Variants in CACNA1S observed in about 807,000 individuals in gnomAD.
CACNA1S encodes the protein calcium voltage-gated channel subunit alpha1 S.
A neutral mutation model predicts 207.4 loss-of-function variants in CACNA1S; 126 were observed. That is an observed-to-expected ratio of 0.61 (90% confidence interval 0.53 to 0.70). CACNA1S has a LOEUF of 0.70. Among genes scored for constraint, CACNA1S ranks in the 30% least tolerant of loss-of-function variants. The pLI is 0.00. For missense variants in CACNA1S, 2,349 were observed against 2,422.8 expected (o/e 0.97, Z 0.64); for synonymous variants, 960 against 932.7 (o/e 1.03, Z -0.53).
At chr1:201,110,109 C>T in intron 2 of CACNA1S, 55 bp downstream of exon 2, 1 of 1,532,830 alleles carries the variant, frequency 6.5e-7, no homozygotes, top group Non-Finnish European at 9.0e-7. Flanking sequence ...AAGGGGGCCT[C>T]CCCAAGCCTG....
intron 2 of CACNA1S, among the ~76,000 whole-genome samples, chr1:201,103,187 A>AT (rs1662741912): frequency 6.7e-6 from 1 of 149,688 alleles, no homozygotes; most frequent in African/African-American, 2.5e-5. Flanking sequence ...TGGAGGTTGT[A>AT]GTGAGGTGAA....
intron 38 of CACNA1S, among the ~76,000 whole-genome samples, chr1:201,046,337 A>T (rs940311574): frequency 7.9e-5 from 12 of 152,026 alleles, no homozygotes; most frequent in Non-Finnish European, 1.8e-4. Flanking sequence ...GTATGCCACC[A>T]TGCCCAGCTA....
At chr1:201,047,001 C>G in intron 38 of CACNA1S, 114 bp downstream of exon 38, 1 of 1,420,742 alleles carries the variant, frequency 7.0e-7, no homozygotes, top group Non-Finnish European at 9.9e-7. Flanking sequence ...TCTGGGCTTC[C>G]TTTTTCCCTC....
In CACNA1S at chr1:201,049,019, T is replaced by C. The variant is rs1318923243; in HGVS notation, c.4322A>G (p.His1441Arg). Reference sequence around the variant, plus strand: ...TCTGGTTACCTTACAAGCTACCCGATGTGGGCAGAACTTCCCAAAGCCCAG... The same window carrying C: ...TCTGGTTACCTTACAAGCTACCCGACGTGGGCAGAACTTCCCAAAGCCCAG... Reference protein sequence around the residue: ...PPLGFGKFCPHRVACKRLVGM... With the variant: ...PPLGFGKFCPRRVACKRLVGM... Residue 1441 changes from histidine (H) to arginine (R), a missense_variant, in exon 35 of 44, where the codon CAT (histidine) becomes CGT (arginine). Transcript: ENST00000362061. The C allele has an allele frequency of 1.2e-6, 2 of 1,613,664 alleles. No individual in the cohort carries two copies. Among genetic ancestry groups the C allele is most frequent in the Non-Finnish European group, 1.7e-6 (2 of 1,179,728 alleles).
In CACNA1S at chr1:201,092,975, T is replaced by C. The variant is rs1662292404; in HGVS notation, c.399-861A>G. Reference sequence around the variant, plus strand: ...TGACCTTGGGCAAGTTGCTTGACTTTTCTGTTCTTTAGCCTCCTTATTTAT... The same window carrying C: ...TGACCTTGGGCAAGTTGCTTGACTTCTCTGTTCTTTAGCCTCCTTATTTAT... On this transcript the variant is annotated intron_variant, in intron 3 of 43. Transcript: ENST00000362061. Among the ~76,000 whole-genome samples the C allele has an allele frequency of 2.6e-5, 4 of 152,312 alleles. 1 individual carries two copies. In the South Asian group the frequency reaches 8.3e-4, roughly 32 times the overall value.
chr1:201,104,016 G>A (rs956379664), intron 2 of CACNA1S, among the ~76,000 whole-genome samples: 2 of 152,110 alleles, frequency 1.3e-5, no homozygotes, highest in African/African-American at 2.4e-5. Context: ...CCCTGCCCTC[G>A]AGGAGAGCAG....
At chr1:201,070,824 C>T (rs1661417425) in intron 16 of CACNA1S, among the ~76,000 whole-genome samples, 1 of 152,158 alleles carries the variant, frequency 6.6e-6, no homozygotes, top group Admixed American at 6.5e-5. Flanking sequence ...TGTGCCCTTC[C>T]TTAGCGTCAG....
intron 27 of CACNA1S, 50 bp from the exon 28 acceptor site, chr1:201,058,541 G>A (rs1426374868): frequency 1.4e-6 from 2 of 1,430,382 alleles, no homozygotes; most frequent in African/African-American, 1.4e-5. Context: ...TGGGAGGAAG[G>A]AGCTCTGGCT....
chr1:201,075,458 C>CCAAACTCTTT, intron 13 of CACNA1S, 37 bp downstream of exon 13: 1 of 1,607,730 alleles, frequency 6.2e-7, no homozygotes, highest in Non-Finnish European at 8.5e-7. Flanking sequence ...CACCCCCTCC[C>CCAAACTCTTT]TAAGCTCTTT....
intron 40 of CACNA1S, chr1:201,041,947 G>T: frequency 2.6e-6 from 1 of 378,104 alleles, no homozygotes; most frequent in South Asian, 2.3e-5. Context: ...AGTGGTGGCT[G>T]AGTCCCACAC....
intron 29 of CACNA1S, among the ~76,000 whole-genome samples, chr1:201,054,136 A>G (rs758731871): frequency 6.6e-6 from 1 of 152,214 alleles, no homozygotes; most frequent in Non-Finnish European, 1.5e-5. Context: ...ATACTCTGGA[A>G]GGGGAGAGCT....
chr1:201,067,320 TCTC>T (rs908337449), intron 19 of CACNA1S, among the ~76,000 whole-genome samples: 1 of 151,994 alleles, frequency 6.6e-6, no homozygotes, highest in African/African-American at 2.4e-5. Flanking sequence ...ACATAAAACT[TCTC>T]CTTCCTGGAA....
chr1:201,094,050 C>G (rs1349798741), intron 2 of CACNA1S, 29 bp from the exon 3 acceptor site: 1 of 1,613,832 alleles, frequency 6.2e-7, no homozygotes, highest in Non-Finnish European at 8.5e-7. Flanking sequence ...TCACAGCATG[C>G]CTCTGTGCTC....
chr1:201,108,682 C>T (rs1662989582), intron 2 of CACNA1S, among the ~76,000 whole-genome samples: 1 of 152,140 alleles, frequency 6.6e-6, no homozygotes, highest in African/African-American at 2.4e-5. Context: ...TCATAGCAAG[C>T]ACACATTTAG....
In CACNA1S at chr1:201,062,018, G is replaced by T. The variant is rs146497999; in HGVS notation, c.2979C>A (p.Ser993Arg). ...AGAGCACATTGTCGAAGTGGAAGTC[G>T]CTGTGTACCCACTCGCGGTGACGCA... is the stretch of plus-strand genomic sequence containing the variant. ...IELRHREWVH[S>R]DFHFDNVLSA... Residue 993 changes from serine to arginine, a missense_variant, in exon 24 of 44, where the codon AGC becomes AGA. Ser to Arg is a moderately radical substitution (Grantham distance 110). Coordinates refer to ENST00000362061, the MANE Select transcript of CACNA1S (RefSeq NM_000069.3). 69 of 1,614,060 alleles carry T rather than the reference G, an allele frequency of 4.3e-5. No individual in the cohort carries two copies. Among genetic ancestry groups the T allele is most frequent in the Non-Finnish European group, 5.5e-5 (65 of 1,180,000 alleles).
chr1:201,077,963 A>G lies in CACNA1S; in HGVS notation c.1535T>C (p.Leu512Pro), dbSNP rs1221759669. The change falls in exon 11 of 44, where the codon CTG (leucine) becomes CCG (proline). Residue 512 changes from leucine to proline, a missense_variant. Physicochemically the swap from Leu to Pro is moderately conservative, Grantham distance 98. Coordinates refer to ENST00000362061, the MANE Select transcript of CACNA1S (RefSeq NM_000069.3). ...TGTCATGGCACCCGACTCCACCAGC[A>G]GGATCTCCAGGATACCGCTACACAC... is the stretch of plus-strand genomic sequence containing the variant. ...FVVCSGILEILLVESGAMTPL... is the reference protein window; with the variant it reads ...FVVCSGILEIPLVESGAMTPL... The G allele has an allele frequency of 1.2e-6, 2 of 1,614,052 alleles. No individual in the cohort carries two copies.
chr1:201,093,827 GCA>G (rs1662320565), intron 3 of CACNA1S, 53 bp downstream of exon 3: 2 of 1,603,002 alleles, frequency 1.2e-6, no homozygotes, highest in African/African-American at 1.3e-5. Flanking sequence ...GTGGCAGTGG[GCA>G]CACAGTCCTC....
chr1:201,091,678 T>C lies in CACNA1S; in HGVS notation c.656A>G (p.Lys219Arg), dbSNP rs771569004. The change falls in exon 5 of 44, where the codon AAG (lysine) becomes AGG (arginine). Residue 219 changes from lysine to arginine, a missense_variant. Transcript: ENST00000362061. ...GTAGCAGGTCTTGTGCATCTTGCCC[T>C]TGAAGAGCTCCAGCCCGATGATGGC... The part of the protein sequence containing the change: ...IYAIIGLELF[K>R]GKMHKTCYFI... 10 of 1,614,070 alleles carry C rather than the reference T, an allele frequency of 6.2e-6. No individual in the cohort carries two copies. The East Asian group carries it at 2.0e-4, about 32-fold the overall frequency.
chr1:201,104,926 C>T (rs956014663), intron 2 of CACNA1S, among the ~76,000 whole-genome samples: 4 of 152,222 alleles, frequency 2.6e-5, no homozygotes, highest in Non-Finnish European at 5.9e-5. Flanking sequence ...GTTTACTCCT[C>T]TGTACAAATG....
Sources: allele counts gnomAD v4.1 joint callset (sites outside exome capture counted in the v4.1 genomes callset), GRCh38; gene constraint gnomAD v4.1.1; transcripts MANE v1.5; gene names NCBI Gene and HGNC (gene_info 2026-07-23, HGNC 2026-07-21).